P2RY12: variants seen among roughly 807,000 people sequenced by gnomAD.
P2RY12 encodes the protein P2Y purinoceptor 12.
Under a neutral mutation model 4.5 loss-of-function variants are expected in P2RY12, and 3 were observed. That is an observed-to-expected ratio of 0.67 (90% CI 0.31 to 1.74). The LOEUF is 1.74. Among genes scored for constraint, P2RY12 ranks in the 40% most tolerant of loss-of-function variants. P2RY12 has a pLI of 0.09. For synonymous variants in P2RY12, 148 were observed against 154.1 expected (o/e 0.96, Z 0.29); for missense variants, 356 against 407.8 (o/e 0.87, Z 1.09).
intron 1 of P2RY12, chr3:151,383,779 G>A: frequency 6.2e-7 from 1 of 1,606,312 alleles, no homozygotes; most frequent in African/African-American, 1.3e-5. Flanking sequence ...TGTCTGCTAG[G>A]TAGGAGGAAT....
intron 1 of P2RY12, among the ~76,000 whole-genome samples, chr3:151,345,670 A>G (rs1025929421): frequency 2.0e-5 from 3 of 151,746 alleles, no homozygotes; most frequent in African/African-American, 7.3e-5. Context: ...GGCACCTGCC[A>G]CCACGCCTGG....
intron 1 of P2RY12, chr3:151,355,156 C>G (rs781708392): frequency 1.2e-6 from 2 of 1,613,840 alleles, no homozygotes; most frequent in Non-Finnish European, 1.7e-6. Flanking sequence ...GAAGAACAAA[C>G]AGGAGACATT....
Position 151,338,690 on chromosome 3 carries a change from T to C in P2RY12, c.156A>G (p.Gln52=). The C allele has an allele frequency of 6.2e-7, 1 of 1,613,602 alleles. No individual in the cohort carries two copies. The highest frequency in any genetic ancestry group is 2.2e-5 in the East Asian group (1 of 44,862). Residue 52 remains glutamine (Q), a synonymous_variant, in exon 3 of 3, where the codon CAA becomes CAG. Coordinates refer to ENST00000302632, the MANE Select transcript of P2RY12 (RefSeq NM_022788.5). Reference sequence around the variant, plus strand: ...TAATAAAGTTTGATTTACTCCGGATTTGAAAGAAAATCCTCATCGCCAGGC... The same window carrying C: ...TAATAAAGTTTGATTTACTCCGGATCTGAAAGAAAATCCTCATCGCCAGGC... ...TNGLAMRIFF[Q]IRSKSNFIIF... is the part of the protein sequence containing the mutation.
At chr3:151,348,357 A>C (rs940792115) in intron 1 of P2RY12, among the ~76,000 whole-genome samples, 1 of 70,294 alleles carries the variant, frequency 1.4e-5, no homozygotes, top group East Asian at 4.1e-4. Flanking sequence ...AAAAAAAAAA[A>C]AAAAAAGAAA....
At chr3:151,348,077 G>A (rs1752749189) in intron 1 of P2RY12, among the ~76,000 whole-genome samples, 1 of 152,132 alleles carries the variant, frequency 6.6e-6, no homozygotes, top group Non-Finnish European at 1.5e-5. Context: ...TGTGCTCCTT[G>A]AAGACAGGAA....
At chr3:151,350,423 A>C (rs971873226) in intron 1 of P2RY12, among the ~76,000 whole-genome samples, 3 of 152,016 alleles carry the variant, frequency 2.0e-5, no homozygotes, top group Admixed American at 2.0e-4. Flanking sequence ...TATTAATATT[A>C]AATATTATTT....
At chr3:151,370,997 G>T (rs188125198) in intron 1 of P2RY12, among the ~76,000 whole-genome samples, 2 of 152,266 alleles carry the variant, frequency 1.3e-5, no homozygotes, top group Admixed American at 6.5e-5. Flanking sequence ...TGAGCCAGGT[G>T]GGCACTGAAC....
chr3:151,356,818 CAG>C (rs1753986339), intron 1 of P2RY12, among the ~76,000 whole-genome samples: 1 of 152,008 alleles, frequency 6.6e-6, no homozygotes, highest in Non-Finnish European at 1.5e-5. Context: ...TATTAGCAAA[CAG>C]AAATAAGACT....
chr3:151,346,280 C>G (rs1752526523), intron 1 of P2RY12, among the ~76,000 whole-genome samples: 1 of 152,130 alleles, frequency 6.6e-6, no homozygotes, highest in Non-Finnish European at 1.5e-5. Context: ...CATCAGTTAT[C>G]TGTTCCCCAA....
intron 1 of P2RY12, among the ~76,000 whole-genome samples, chr3:151,372,002 T>C (rs1756248483): frequency 1.3e-5 from 2 of 152,138 alleles, no homozygotes; most frequent in South Asian, 4.1e-4. Flanking sequence ...AAAACAGGGG[T>C]TATTCAATGA....
chr3:151,345,517 C>CTTTTTTT (rs201731496), intron 1 of P2RY12, among the ~76,000 whole-genome samples: 29 of 131,634 alleles, frequency 2.2e-4, no homozygotes, highest in Non-Finnish European at 3.6e-4. Flanking sequence ...TTTTCTTTTT[C>CTTTTTTT]TTTTTTTTTT....
chr3:151,373,873 T>C (rs1756494645), intron 1 of P2RY12, among the ~76,000 whole-genome samples: 2 of 152,178 alleles, frequency 1.3e-5, no homozygotes, highest in Admixed American at 1.3e-4. Context: ...CAGAGAACGT[T>C]ACTGAGAAAC....
At chr3:151,357,461 A>G (rs964976233) in intron 1 of P2RY12, 87 of 1,211,264 alleles carry the variant, frequency 7.2e-5, no homozygotes, top group Non-Finnish European at 9.7e-5. Context: ...TTAAAAGAAA[A>G]ATAGTACTGA....
In P2RY12 at chr3:151,365,886, G is replaced by A. The variant is rs767049617; in HGVS notation, c.-180+18806C>T. ...TAGCCAATTTCTCCTCTGAGCTTAC[G>A]GCTTGCTGCACTGTTCTTAGTTCAG... On this transcript the variant is annotated intron_variant, in intron 1 of 2. Transcript: ENST00000302632. The A allele has an allele frequency of 1.4e-5, 23 of 1,611,996 alleles. No individual in the cohort carries two copies. In the Admixed American group the frequency reaches 1.8e-4, roughly 13 times the overall value.
chr3:151,375,998 G>A, intron 1 of P2RY12: 3 of 1,316,258 alleles, frequency 2.3e-6, no homozygotes, highest in Non-Finnish European at 3.1e-6. Context: ...GCCAGTGCCT[G>A]TCAATCTAAT....
rs772168681 is a variant in P2RY12, at chr3:151,380,097, A to G, written c.-180+4595T>C. On this transcript the variant is annotated intron_variant, in intron 1 of 2. Coordinates refer to ENST00000302632, the MANE Select transcript of P2RY12 (RefSeq NM_022788.5). ...ATTTCTAACTAGATCTGTTGTTATT[A>G]TTACTTCCTTTGTAGTATGTCTCTT... 145 of 1,476,378 alleles carry G rather than the reference A, an allele frequency of 9.8e-5. 1 individual carries two copies. Among genetic ancestry groups the G allele is most frequent in the Non-Finnish European group, 1.3e-4 (143 of 1,076,610 alleles). The allele number at this position is 1,476,378 out of a possible 1,614,324, so 91.5% of individuals were successfully genotyped here. A position where few individuals can be genotyped will look rare whatever the true frequency, so the allele number is the denominator to read the frequency against.
At chr3:151,371,443 A>G (rs1016923840) in intron 1 of P2RY12, among the ~76,000 whole-genome samples, 1 of 152,104 alleles carries the variant, frequency 6.6e-6, no homozygotes, top group South Asian at 2.1e-4. Flanking sequence ...TGAAGCTGGT[A>G]CTCTTTGTGT....
At chr3:151,375,964 A>G (rs1176529013) in intron 1 of P2RY12, 17 of 649,844 alleles carry the variant, frequency 2.6e-5, no homozygotes, top group Non-Finnish European at 3.8e-5. Flanking sequence ...GATTTAGTAC[A>G]TATTGCATAT....
intron 1 of P2RY12, among the ~76,000 whole-genome samples, 175 bp downstream of exon 1, chr3:151,384,517 C>G (rs3821664): frequency 0.11 from 17,282 of 152,066 alleles, 1,326 homozygotes; most frequent in African/African-American, 0.22. Flanking sequence ...TAGGATAACT[C>G]TATGCTTGGA....
Sources: gnomAD v4.1 joint callset for allele counts (sites outside exome capture counted in the v4.1 genomes callset) on GRCh38, gnomAD v4.1.1 for gene constraint, MANE v1.5 for transcripts, NCBI Gene and HGNC (gene_info 2026-07-23, HGNC 2026-07-21) for gene names.